Variants in PSMD11 observed in about 807,000 individuals in gnomAD.
The protein encoded by PSMD11 is 26S proteasome non-ATPase regulatory subunit 11.
PSMD11 carries 5 observed loss-of-function variants against 62.3 expected under a neutral mutation model. That is an observed-to-expected ratio of 0.08 (90% CI 0.04 to 0.17). The LOEUF (loss-of-function observed/expected upper bound fraction) is 0.17, where lower values mean the gene tolerates loss of function less well. PSMD11 is among the 10% of genes least tolerant of loss of function. The probability of loss-of-function intolerance (pLI) is 1.00; values close to 1 mark genes in which losing one functional copy is unlikely to be tolerated. For missense variants in PSMD11, 310 were observed against 512.9 expected (o/e 0.60, Z 3.82); for synonymous variants, 191 against 191.8 (o/e 1.00, Z 0.03).
intron 9 of PSMD11, 109 bp from the exon 10 acceptor site, chr17:32,479,142 C>A: frequency 7.2e-7 from 1 of 1,398,426 alleles, no homozygotes; most frequent in Non-Finnish European, 9.7e-7. Context: ...CCCCTAACTT[C>A]ATTCAACCAT....
intron 3 of PSMD11, among the ~76,000 whole-genome samples, chr17:32,459,122 A>G (rs1907740638): frequency 7.1e-6 from 1 of 141,452 alleles, no homozygotes; most frequent in South Asian, 2.2e-4. Context: ...ATACATATAT[A>G]TATATATATA....
chr17:32,478,049 C>T (rs953758556), intron 9 of PSMD11, among the ~76,000 whole-genome samples: 3 of 152,152 alleles, frequency 2.0e-5, no homozygotes, highest in South Asian at 4.1e-4. Context: ...TCTTGATGTG[C>T]GTACTTGGAC....
At chr17:32,467,242 CTTTTTTTTT>C (rs751751489) in intron 5 of PSMD11, among the ~76,000 whole-genome samples, 1 of 120,536 alleles carries the variant, frequency 8.3e-6, no homozygotes, top group Non-Finnish European at 1.7e-5. Context: ...CATGCCCGGC[CTTTTTTTTT>C]TTTTTTTTTT....
chr17:32,454,075 T>C (rs970493164), intron 2 of PSMD11, among the ~76,000 whole-genome samples: 1 of 152,120 alleles, frequency 6.6e-6, no homozygotes, highest in Non-Finnish European at 1.5e-5. Flanking sequence ...ACTTGGAAGT[T>C]AGAAAAAAAT....
chr17:32,474,708 C>A (rs1230285491), intron 7 of PSMD11, 56 bp from the exon 8 acceptor site: 1 of 1,566,408 alleles, frequency 6.4e-7, no homozygotes, highest in African/African-American at 1.4e-5. Context: ...TTGCCCAAAC[C>A]TTCCTTTAGA....
intron 5 of PSMD11, 42 bp from the exon 6 acceptor site, chr17:32,468,957 T>C: frequency 6.3e-7 from 1 of 1,578,346 alleles, no homozygotes; most frequent in Non-Finnish European, 8.6e-7. Context: ...TATTAGGTAT[T>C]AAGCTGATGG....
rs967371565 is a variant in PSMD11 at position 32,482,544 on chromosome 17, A to G, written c.*1792A>G. The G allele has an allele frequency of 2.6e-5, 4 of 152,420 alleles. No individual in the cohort carries two copies. The highest frequency in any genetic ancestry group is 7.2e-5 in the African/African-American group (3 of 41,532). The allele number at this position is 152,420 out of a possible 1,614,324, so 9.4% of individuals were successfully genotyped here. A position where few individuals can be genotyped will look rare whatever the true frequency, so the allele number is the denominator to read the frequency against. ...CCAAACTTGGAGGGCTTTGGGGGCAAGAAAGTTGGTGTGTGAGTTCTGAGG... is the reference window on the plus strand; with the variant it reads ...CCAAACTTGGAGGGCTTTGGGGGCAGGAAAGTTGGTGTGTGAGTTCTGAGG... On this transcript the variant is annotated 3_prime_UTR_variant, in exon 14 of 14. Coordinates refer to ENST00000261712, the MANE Select transcript of PSMD11 (RefSeq NM_002815.4).
Position 32,474,807 on chromosome 17 carries a change from C to T in PSMD11, c.832C>T (p.Arg278Trp), listed in dbSNP as rs896609848. 2.5e-6 allele frequency: 4 copies of T among 1,614,012 alleles called. No individual in the cohort carries two copies. Among genetic ancestry groups the T allele is most frequent in the South Asian group, 1.1e-5 (1 of 91,080 alleles). The change falls in exon 8 of 14, where the codon CGG becomes TGG. Residue 278 changes from arginine to tryptophan, a missense_variant. Arg to Trp is a moderately radical substitution (Grantham distance 101). Transcript: ENST00000261712. ...TTTGGTGAGCGGGAAGCTTGCACTT[C>T]GGTATGCAGGGAGGCAGGTAGGGAC... The part of the protein sequence containing the change: ...QALVSGKLAL[R>W]YAGRQTEALK...
intron 3 of PSMD11, among the ~76,000 whole-genome samples, chr17:32,459,653 TA>T (rs1270654518): frequency 1.3e-5 from 2 of 152,138 alleles, no homozygotes; most frequent in Non-Finnish European, 2.9e-5. Context: ...AAATAGGATA[TA>T]ATTTTTATTC....
chr17:32,464,188 C>G, intron 4 of PSMD11, 68 bp downstream of exon 4: 1 of 1,392,646 alleles, frequency 7.2e-7, no homozygotes, highest in Non-Finnish European at 1.0e-6. Flanking sequence ...TAAGCAGTAC[C>G]ATCCTTATCA....
At position 32,473,792 on chromosome 17, in the gene PSMD11, A is replaced by G. The variant is rs1038641818; in HGVS notation, c.644-9A>G. The G allele has an allele frequency of 1.2e-6, 2 of 1,612,438 alleles. No homozygotes were observed. Among genetic ancestry groups the G allele is most frequent in the South Asian group, 2.2e-5 (2 of 91,018 alleles). ...TATATGTTCTTATTCCTTTCTTTTC[A>G]ATGCCCAGGTATTATCCATGCAGCA... is the stretch of plus-strand genomic sequence containing the variant. On this transcript the variant is annotated splice_polypyrimidine_tract_variant and intron_variant, in intron 6 of 13. Transcript: ENST00000261712.
chr17:32,475,871 G>C (rs1191134003), intron 8 of PSMD11, among the ~76,000 whole-genome samples: 1 of 151,954 alleles, frequency 6.6e-6, no homozygotes, highest in Non-Finnish European at 1.5e-5. Context: ...GGGATTGTAG[G>C]TGTGAGCCAC....
At position 32,474,547 on chromosome 17, in the gene PSMD11, A is replaced by G. The variant is rs568411519; in HGVS notation, c.789-217A>G. ...GGTAGGTTCAGTTCAGCTTTCTAAC[A>G]TTGGAGTTTTTCTACTCTTCAGGCT... is the stretch of plus-strand genomic sequence containing the variant. On this transcript the variant is annotated intron_variant, in intron 7 of 13. Transcript: ENST00000261712. 4.6e-4 allele frequency among the ~76,000 whole-genome samples: 70 copies of G among 152,242 alleles called. 1 individual carries two copies. Among genetic ancestry groups the G allele is most frequent in the African/African-American group, 1.6e-3 (68 of 41,528 alleles).
At chr17:32,472,111 AC>A (rs1158499757) in intron 6 of PSMD11, among the ~76,000 whole-genome samples, 1 of 151,848 alleles carries the variant, frequency 6.6e-6, no homozygotes, top group Non-Finnish European at 1.5e-5. Context: ...CAGGTGATCC[AC>A]CTGCCTTGGC....
intron 2 of PSMD11, among the ~76,000 whole-genome samples, chr17:32,450,703 A>C (rs1385727887): frequency 6.6e-6 from 1 of 152,140 alleles, no homozygotes; most frequent in African/African-American, 2.4e-5. Flanking sequence ...GGAAGGAAAC[A>C]GGAAATACAA....
Position 32,479,330 on chromosome 17 carries a change from T to C in PSMD11, c.992T>C (p.Leu331Pro). The C allele has an allele frequency of 6.2e-7, 1 of 1,614,186 alleles. No homozygotes were observed. The highest frequency in any genetic ancestry group is 8.5e-7 in the Non-Finnish European group (1 of 1,180,028). ...TTGGCCAAGTTGTATGATAACTTAC[T>C]AGAACAGAATCTGATCCGAGTCATT... is the stretch of plus-strand genomic sequence containing the variant. ...THLAKLYDNL[L>P]EQNLIRVIEP... Residue 331 changes from leucine to proline, a missense_variant, in exon 10 of 14, where the codon CTA (leucine) becomes CCA (proline). Transcript: ENST00000261712.
chr17:32,465,791 T>C (rs1244714320), intron 5 of PSMD11, among the ~76,000 whole-genome samples: 1 of 151,912 alleles, frequency 6.6e-6, no homozygotes, highest in African/African-American at 2.4e-5. Flanking sequence ...CTAGGCAACA[T>C]GGTGAAACCC....
chr17:32,465,661 C>T (rs1311104416), intron 5 of PSMD11, among the ~76,000 whole-genome samples: 1 of 152,104 alleles, frequency 6.6e-6, no homozygotes, highest in Non-Finnish European at 1.5e-5. Context: ...GTTGTACAAC[C>T]ATCACCACTA....
intron 3 of PSMD11, among the ~76,000 whole-genome samples, chr17:32,455,068 G>T (rs1475428452): frequency 6.6e-6 from 1 of 152,118 alleles, no homozygotes; most frequent in Non-Finnish European, 1.5e-5. Context: ...AGTGACTCTG[G>T]TGTTCCTGTA....
Sources: gnomAD v4.1 joint callset for allele counts (sites outside exome capture counted in the v4.1 genomes callset) on GRCh38, gnomAD v4.1.1 for gene constraint, MANE v1.5 for transcripts, NCBI Gene and HGNC (gene_info 2026-07-23, HGNC 2026-07-21) for gene names.